Variants in MASP2 observed in about 807,000 individuals in gnomAD.
MASP2 encodes the protein mannan-binding lectin serine protease 2.
A neutral mutation model predicts 57.1 loss-of-function variants in MASP2; 49 were observed. That is an observed-to-expected ratio of 0.86 (90% CI 0.68 to 1.09). The LOEUF is 1.09. Ranked by LOEUF, MASP2 falls within the 50% of genes least tolerant of loss-of-function variation. The probability of loss-of-function intolerance (pLI) is 0.00; values close to 1 mark genes in which losing one functional copy is unlikely to be tolerated. For missense variants in MASP2, 900 were observed against 874.8 expected, an observed-to-expected ratio of 1.03 and a Z score of -0.36; for synonymous variants, 379 against 340.8, an observed-to-expected ratio of 1.11 and a Z score of -1.24.
chr1:11,027,727 G>GTA, intron 10 of MASP2, 79 bp from the exon 11 acceptor site: 25 of 1,462,428 alleles, frequency 1.7e-5, no homozygotes, highest in Non-Finnish European at 2.3e-5. Flanking sequence ...CCGCCTTGAA[G>GTA]TATATATTTG....
intron 5 of MASP2, 30 bp downstream of exon 5, chr1:11,043,309 G>T (rs1355461096): frequency 1.3e-6 from 2 of 1,576,776 alleles, no homozygotes; most frequent in African/African-American, 2.7e-5. Context: ...GGGAGGATCT[G>T]GGACAAGATG....
intron 7 of MASP2, among the ~76,000 whole-genome samples, chr1:11,035,826 G>A (rs111984753): frequency 0.087 from 12,908 of 148,082 alleles, 1,100 homozygotes; most frequent in East Asian, 0.22. Context: ...AGCCTGAGAG[G>A]TCAAGGCTGT....
intron 6 of MASP2, among the ~76,000 whole-genome samples, chr1:11,042,416 ATGGATGGATGGATGGATG>A (rs1352408182): frequency 5.6e-5 from 2 of 35,884 alleles, no homozygotes; most frequent in Non-Finnish European, 4.5e-4. Flanking sequence ...GGATGGATGG[ATGGATGGATGGATGGATG>A]GATGGATGAA....
Position 11,026,556 on chromosome 1 carries a change from G to T in MASP2, c.*329C>A, listed in dbSNP as rs1191074924. On this transcript the variant is annotated 3_prime_UTR_variant, in exon 11 of 11. Transcript: ENST00000400897. ...AACAAGTTTAAAAACAAAGAGCATG[G>T]ACAGGCAGTTTACAGAAATGCCAAC... The T allele has an allele frequency of 5.1e-6, 1 of 194,192 alleles. No homozygotes were observed. The highest frequency in any genetic ancestry group is 2.3e-5 in the African/African-American group (1 of 43,070). The allele number at this position is 194,192 out of a possible 1,614,324, so 12.0% of individuals were successfully genotyped here. A position where few individuals can be genotyped will look rare whatever the true frequency, so the allele number is the denominator to read the frequency against.
intron 8 of MASP2, among the ~76,000 whole-genome samples, chr1:11,032,714 G>A (rs1011065468): frequency 6.6e-6 from 1 of 151,964 alleles, no homozygotes; most frequent in African/African-American, 2.4e-5. Context: ...TTCAAGACCA[G>A]CCTGGCCAAC....
At chr1:11,044,807 G>A (rs928025483) in intron 4 of MASP2, 114 of 1,537,868 alleles carry the variant, frequency 7.4e-5, no homozygotes, top group Non-Finnish European at 9.0e-5. Context: ...GTGGGGTGGG[G>A]CCAGGTTTAT....
rs1416909693 is a variant in MASP2 at position 11,027,435 on chromosome 1, C to CT, written c.1510dup (p.Arg504LysfsTer12). The CT allele has an allele frequency of 6.2e-7, 1 of 1,614,060 alleles. No homozygotes were observed. The highest frequency in any genetic ancestry group is 8.5e-7 in the Non-Finnish European group (1 of 1,180,034). On this transcript the variant is annotated frameshift_variant, in exon 11 of 11. Coordinates refer to ENST00000400897, the MANE Select transcript of MASP2 (RefSeq NM_006610.4). LOFTEE classifies it low-confidence loss of function (END_TRUNC). Reference sequence around the variant, plus strand: ...GGCTTGTGTATAATGAGGTGATAGTCTTTTCAGGGTGCCCATTCGAATGTC... The same window carrying CT: ...GGCTTGTGTATAATGAGGTGATAGTCTTTTTCAGGGTGCCCATTCGAATGTC...
chr1:11,047,153 C>A, intron 1 of MASP2, 34 bp from the exon 2 acceptor site: 1 of 1,552,624 alleles, frequency 6.4e-7, no homozygotes, highest in Non-Finnish European at 8.7e-7. Flanking sequence ...AGGGCCCAGG[C>A]CTGTGCTCCC....
chr1:11,036,524 AAAAAAAAAAAAAAC>A (rs1638241125), intron 7 of MASP2, among the ~76,000 whole-genome samples: 18 of 127,750 alleles, frequency 1.4e-4, no homozygotes, highest in African/African-American at 7.7e-4. Flanking sequence ...AAAAAAAAAA[AAAAAAAAAAAAAAC>A]AAAAAAAAAA....
intron 4 of MASP2, chr1:11,044,766 A>T: frequency 8.0e-6 from 8 of 994,412 alleles, no homozygotes; most frequent in African/African-American, 1.7e-5. Context: ...CCGCCTCCCG[A>T]CCCTCCCACC....
At chr1:11,030,659 G>A (rs1643828333) in intron 9 of MASP2, 89 bp downstream of exon 9, 2 of 1,423,266 alleles carry the variant, frequency 1.4e-6, no homozygotes, top group Non-Finnish European at 1.9e-6. Context: ...TCTAGCCTTA[G>A]CCAAAAATGT....
chr1:11,030,660 C>A (rs1643828372), intron 9 of MASP2, 88 bp downstream of exon 9: 2 of 1,419,664 alleles, frequency 1.4e-6, no homozygotes, highest in Non-Finnish European at 1.9e-6. Flanking sequence ...CTAGCCTTAG[C>A]CAAAAATGTT....
chr1:11,044,651 A>C, intron 4 of MASP2: 1 of 755,668 alleles, frequency 1.3e-6, no homozygotes, highest in Non-Finnish European at 2.1e-6. Flanking sequence ...CCCATCTTCA[A>C]AACGGGGGGT....
In MASP2 at chr1:11,026,759, GT is replaced by G; in HGVS notation, c.*125del. 10 of 755,612 alleles carry G rather than the reference GT, an allele frequency of 1.3e-5. No individual in the cohort carries two copies. The highest frequency in any genetic ancestry group is 4.0e-4 in the Middle Eastern group (1 of 2,476). 46.8% of individuals were successfully genotyped at this position (755,612 alleles called of 1,614,324 possible). A position where few individuals can be genotyped will look rare whatever the true frequency, so the allele number is the denominator to read the frequency against. On this transcript the variant is annotated 3_prime_UTR_variant, in exon 11 of 11. Transcript: ENST00000400897. ...ATGACAGCAGCCTCACCTGGAGTCTGTTTTTTTGGGTGGAGCAACAACTGCC... is the reference window on the plus strand; with the variant it reads ...ATGACAGCAGCCTCACCTGGAGTCTGTTTTTTGGGTGGAGCAACAACTGCC...
At chr1:11,032,479 C>T (rs1274168451) in intron 8 of MASP2, among the ~76,000 whole-genome samples, 7 of 151,648 alleles carry the variant, frequency 4.6e-5, no homozygotes, top group Admixed American at 1.3e-4. Context: ...GGTGTGGTGG[C>T]GGGCGCCTGT....
chr1:11,044,981 G>A (rs770083587), intron 4 of MASP2: 2 of 1,607,962 alleles, frequency 1.2e-6, no homozygotes, highest in Non-Finnish European at 1.7e-6. Context: ...GAGGCAAGGA[G>A]AGACACCGAG....
At chr1:11,030,420 TTTGC>T in intron 9 of MASP2, 170 bp from the exon 10 acceptor site, 1 of 599,360 alleles carries the variant, frequency 1.7e-6, no homozygotes, top group Non-Finnish European at 2.9e-6. Context: ...CATTACCATG[TTTGC>T]TTGCAAAGTG....
chr1:11,036,510 CAAAAAAAAAAAAAAAAA>C lies in MASP2; in HGVS notation c.1008+1166_1008+1182del, dbSNP rs35642467. Among the ~76,000 whole-genome samples, 56 of 54,352 alleles carry C rather than the reference CAAAAAAAAAAAAAAAAA, an allele frequency of 1.0e-3. 2 individuals carry two copies. The Admixed American group carries it at 0.017, about 16-fold the overall frequency. 35.7% of individuals were successfully genotyped at this position (54,352 alleles called of 152,430 possible). ...TGGGCGACAGAGCGAGACTCCGTCT[CAAAAAAAAAAAAAAAAA>C]AAAAAAAAAACAAAAAAAAAAGAAA... On this transcript the variant is annotated intron_variant, in intron 7 of 10. Coordinates refer to ENST00000400897, the MANE Select transcript of MASP2 (RefSeq NM_006610.4).
intron 8 of MASP2, among the ~76,000 whole-genome samples, chr1:11,033,608 G>T (rs1216972391): frequency 6.6e-6 from 1 of 151,466 alleles, no homozygotes; most frequent in Non-Finnish European, 1.5e-5. Flanking sequence ...TTGCACCACC[G>T]CACTCCAGCC....
Sources: allele counts gnomAD v4.1 joint callset (sites outside exome capture counted in the v4.1 genomes callset), GRCh38; gene constraint gnomAD v4.1.1; transcripts MANE v1.5; gene names NCBI Gene and HGNC (gene_info 2026-07-23, HGNC 2026-07-21).